Variants in SLC36A1 observed in about 807,000 individuals in gnomAD.
The protein encoded by SLC36A1 is solute carrier family 36 member 1.
Under a neutral mutation model 47.5 loss-of-function variants are expected in SLC36A1, and 30 were observed. The ratio of observed to expected loss-of-function variants is 0.63; its 90% CI spans 0.47 to 0.86. The LOEUF (loss-of-function observed/expected upper bound fraction) is 0.86. Ranked by LOEUF, SLC36A1 falls within the 40% of genes least tolerant of loss-of-function variation. The pLI, the probability that SLC36A1 is intolerant of heterozygous loss-of-function variation, is 0.00. For missense variants in SLC36A1, 517 were observed against 606.0 expected (o/e 0.85, Z 1.54); for synonymous variants, 255 against 249.7 (o/e 1.02, Z -0.20).
the SLC36A1 span, among the ~76,000 whole-genome samples, chr5:151,428,339 A>G: frequency 1.3e-5 from 2 of 152,082 alleles, no homozygotes; most frequent in Non-Finnish European, 2.9e-5. Context: ...CCCTCAGCAG[A>G]AAAAAAGCAG....
At chr5:151,388,267 C>T in the SLC36A1 span, among the ~76,000 whole-genome samples, 1 of 151,950 alleles carries the variant, frequency 6.6e-6, no homozygotes, top group Non-Finnish European at 1.5e-5. Context: ...TGTGGGAGGC[C>T]GAGGTGGGCG....
intron 1 of SLC36A1, among the ~76,000 whole-genome samples, chr5:151,455,080 T>C (rs187295475): frequency 1.5e-4 from 23 of 152,188 alleles, no homozygotes; most frequent in Admixed American, 1.4e-3. Flanking sequence ...GAACACATTA[T>C]CTGGCAATTC....
chr5:151,461,827 A>G (rs763936288), intron 2 of SLC36A1, among the ~76,000 whole-genome samples: 3 of 152,226 alleles, frequency 2.0e-5, no homozygotes, highest in Non-Finnish European at 4.4e-5. Flanking sequence ...GAGACCCTTC[A>G]GTATAGGTCT....
chr5:151,462,299 A>G (rs1755636283), intron 2 of SLC36A1, among the ~76,000 whole-genome samples: 1 of 152,206 alleles, frequency 6.6e-6, no homozygotes, highest in Non-Finnish European at 1.5e-5. Flanking sequence ...AAACTCAACC[A>G]AAGTATGATG....
At chr5:151,391,584 C>T in the SLC36A1 span, among the ~76,000 whole-genome samples, 17 of 152,146 alleles carry the variant, frequency 1.1e-4, no homozygotes, top group African/African-American at 4.1e-4. Flanking sequence ...CCATCAATAC[C>T]GAATTTATTG....
chr5:151,402,535 A>G, the SLC36A1 span, among the ~76,000 whole-genome samples: 15 of 152,122 alleles, frequency 9.9e-5, no homozygotes, highest in Non-Finnish European at 1.6e-4. Flanking sequence ...TCTCTCATCA[A>G]TTTTTTGGAA....
At chr5:151,480,933 C>G (rs1192252406) in intron 10 of SLC36A1, among the ~76,000 whole-genome samples, 1 of 152,198 alleles carries the variant, frequency 6.6e-6, no homozygotes, top group Non-Finnish European at 1.5e-5. Context: ...TAAAATGTGC[C>G]TTCCTGACTA....
the SLC36A1 span, among the ~76,000 whole-genome samples, chr5:151,411,395 A>G: frequency 6.9e-6 from 1 of 144,858 alleles, no homozygotes; most frequent in African/African-American, 2.5e-5. Context: ...GCCCCCAACT[A>G]TAGGAGATTG....
the SLC36A1 span, among the ~76,000 whole-genome samples, chr5:151,380,126 AG>A: frequency 6.6e-6 from 1 of 152,216 alleles, no homozygotes; most frequent in African/African-American, 2.4e-5. Context: ...AGACTATTCA[AG>A]AAAGAAAAGA....
Position 151,466,822 on chromosome 5 carries a change from G to C in SLC36A1, c.420-377G>C, listed in dbSNP as rs77372044. On this transcript the variant is annotated intron_variant, in intron 5 of 10. Coordinates refer to ENST00000243389, the MANE Select transcript of SLC36A1 (RefSeq NM_078483.4). ...TCTCACCTCATGCAGCATTCCAGAC[G>C]AGAAGCCAGGAAGGGGACGTCGGAA... is the stretch of plus-strand genomic sequence containing the variant. Among the ~76,000 whole-genome samples the C allele has an allele frequency of 0.01, 1,566 of 152,226 alleles. 58 individuals carry two copies. In the East Asian group the frequency reaches 0.13, roughly 12 times the overall value.
the SLC36A1 span, chr5:151,509,917 C>A: frequency 4.4e-6 from 6 of 1,364,922 alleles, no homozygotes; most frequent in Non-Finnish European, 6.1e-6. Context: ...AGCCAGGTCC[C>A]TGCAGCACTC....
the SLC36A1 span, among the ~76,000 whole-genome samples, chr5:151,536,623 C>A: frequency 4.6e-5 from 7 of 152,338 alleles, no homozygotes; most frequent in South Asian, 1.2e-3. Context: ...GCCTACCCTG[C>A]AGGAATCTCT....
intron 1 of SLC36A1, among the ~76,000 whole-genome samples, chr5:151,439,668 GAAAAA>G (rs202220864): frequency 0.015 from 2,056 of 133,478 alleles, 32 homozygotes; most frequent in Non-Finnish European, 0.022. Flanking sequence ...AAAAAGAAAA[GAAAAA>G]AAAAAAAGAA....
the SLC36A1 span, among the ~76,000 whole-genome samples, chr5:151,391,384 A>G: frequency 8.1e-4 from 123 of 152,112 alleles, 1 homozygote; most frequent in Non-Finnish European, 1.7e-3. Context: ...CTAATTGAAT[A>G]CCCTTTATTT....
rs1366932722 is a variant in SLC36A1 at position 151,490,708 on chromosome 5, T to A, written c.*2454T>A. The A allele has an allele frequency of 6.6e-6, 1 of 152,258 alleles. No individual in the cohort carries two copies. The highest frequency in any genetic ancestry group is 2.4e-5 in the African/African-American group (1 of 41,470). 9.4% of individuals were successfully genotyped at this position (152,258 alleles called of 1,614,324 possible). Reference sequence around the variant, plus strand: ...TGCTCCTGCTACACTGACAGACTGATTGCGTGGCTCTTTCAGAAGACCCAG... The same window carrying A: ...TGCTCCTGCTACACTGACAGACTGAATGCGTGGCTCTTTCAGAAGACCCAG... On this transcript the variant is annotated 3_prime_UTR_variant, in exon 11 of 11. Transcript: ENST00000243389.
chr5:151,542,569 T>C, the SLC36A1 span: 72 of 1,614,092 alleles, frequency 4.5e-5, no homozygotes, highest in Non-Finnish European at 6.0e-5. Flanking sequence ...CCAACCACTC[T>C]CACTGTCAAT....
At chr5:151,426,850 C>T in the SLC36A1 span, among the ~76,000 whole-genome samples, 6 of 152,192 alleles carry the variant, frequency 3.9e-5, no homozygotes, top group Admixed American at 1.3e-4. Flanking sequence ...CCTTCCGCAG[C>T]GCATTTTGTC....
At chr5:151,463,111 GGTGATCCACC>G (rs1357533083) in intron 2 of SLC36A1, among the ~76,000 whole-genome samples, 2 of 152,054 alleles carry the variant, frequency 1.3e-5, no homozygotes, top group Non-Finnish European at 2.9e-5. Flanking sequence ...CCTGACCTCA[GGTGATCCACC>G]GCTTCGGCCT....
chr5:151,454,620 A>C (rs897552102), intron 1 of SLC36A1, among the ~76,000 whole-genome samples: 1 of 152,092 alleles, frequency 6.6e-6, no homozygotes, highest in Non-Finnish European at 1.5e-5. Flanking sequence ...TACACCTAGC[A>C]AAAAATCAGC....
Sources: gnomAD v4.1 joint callset for allele counts (sites outside exome capture counted in the v4.1 genomes callset) on GRCh38, gnomAD v4.1.1 for gene constraint, MANE v1.5 for transcripts, NCBI Gene and HGNC (gene_info 2026-07-23, HGNC 2026-07-21) for gene names.